PGF: variants seen among roughly 807,000 people sequenced by gnomAD.
PGF encodes placenta growth factor.
Under a neutral mutation model 25.3 loss-of-function variants are expected in PGF, and 11 were observed. That is an observed-to-expected ratio of 0.43 (90% CI 0.27 to 0.72). The LOEUF (loss-of-function observed/expected upper bound fraction) is 0.72. PGF is among the 30% of genes least tolerant of loss of function. The pLI is 0.18. For synonymous variants in PGF, 105 were observed against 97.9 expected, an observed-to-expected ratio of 1.07 and a Z score of -0.43; for missense variants, 230 against 234.9, an observed-to-expected ratio of 0.98 and a Z score of 0.14.
intron 4 of PGF, chr14:74,947,623 C>CAGGA (rs1315674982): frequency 1.3e-5 from 2 of 152,236 alleles, no homozygotes; most frequent in Admixed American, 6.5e-5. Flanking sequence ...GTTATGAGAG[C>CAGGA]AGGAACCTTG....
intron 2 of PGF, among the ~76,000 whole-genome samples, chr14:74,951,207 C>G (rs1888863766): frequency 6.6e-6 from 1 of 152,108 alleles, no homozygotes; most frequent in South Asian, 2.1e-4. Context: ...GCTTAGAGGG[C>G]ACTAGGGCCT....
At chr14:74,948,607 C>T in intron 3 of PGF, 24 bp from the exon 4 acceptor site, 1 of 1,550,308 alleles carries the variant, frequency 6.5e-7, no homozygotes. Context: ...GAGTTGATGC[C>T]TGGATTGGGG....
Position 74,942,274 on chromosome 14 carries a change from C to T in PGF, c.*432G>A, listed in dbSNP as rs1351064986. 4 of 171,018 alleles carry T rather than the reference C, an allele frequency of 2.3e-5. No individual in the cohort carries two copies. The highest frequency in any genetic ancestry group is 2.5e-5 in the Non-Finnish European group (2 of 81,402). The allele number at this position is 171,018 out of a possible 1,614,324, so 10.6% of individuals were successfully genotyped here. ...CTGCCGGCCTTCCCACCAGCCAGGC[C>T]GTGGCGGCCCCAGCAGGATCCGCAT... is the stretch of plus-strand genomic sequence containing the variant. On this transcript the variant is annotated 3_prime_UTR_variant, in exon 7 of 7. Transcript: ENST00000555567.
At chr14:74,944,240 C>G (rs1029913189) in intron 6 of PGF, among the ~76,000 whole-genome samples, 1 of 151,562 alleles carries the variant, frequency 6.6e-6, no homozygotes, top group South Asian at 2.1e-4. Context: ...GTAGCTGGGA[C>G]TATAGGCACC....
chr14:74,946,020 C>T, intron 6 of PGF, 193 bp downstream of exon 6: 1 of 593,862 alleles, frequency 1.7e-6, no homozygotes, highest in Non-Finnish European at 3.0e-6. Flanking sequence ...AAACCTAGGG[C>T]TAAGCCGGGA....
At chr14:74,949,602 T>C (rs1324902062) in intron 2 of PGF, 49 bp from the exon 3 acceptor site, 2 of 1,418,192 alleles carry the variant, frequency 1.4e-6, no homozygotes, top group South Asian at 3.0e-5. Context: ...ACCTGCCCCT[T>C]GAAGCCCTAA....
intron 3 of PGF, 52 bp downstream of exon 3, chr14:74,949,305 G>T: frequency 7.3e-7 from 1 of 1,371,278 alleles, no homozygotes; most frequent in Non-Finnish European, 9.7e-7. Flanking sequence ...CCCTCTCCAG[G>T]TACCTTCTAG....
In PGF at chr14:74,949,443, A is replaced by G. The variant is rs1888821562; in HGVS notation, c.229T>C (p.Cys77Arg). 1 of 1,612,486 alleles carries G rather than the reference A, an allele frequency of 6.2e-7. No individual in the cohort carries two copies. The highest frequency in any genetic ancestry group is 1.3e-5 in the African/African-American group (1 of 74,886). The change falls in exon 3 of 7, where the codon TGT (cysteine) becomes CGT (arginine). Residue 77 changes from cysteine to arginine, a missense_variant. By Grantham distance (180) the Cys-to-Arg change is radical. Transcript: ENST00000555567. Reference sequence around the variant, plus strand: ...CCGGTGCAGCGCAGCAGGGAGACACAGGATGGGCTGAACATGTGCTCCACC... The same window carrying G: ...CCGGTGCAGCGCAGCAGGGAGACACGGGATGGGCTGAACATGTGCTCCACC... ...SEVEHMFSPS[C>R]VSLLRCTGCC...
At chr14:74,951,948 G>A (rs1404802134) in intron 2 of PGF, among the ~76,000 whole-genome samples, 1 of 152,162 alleles carries the variant, frequency 6.6e-6, no homozygotes, top group Non-Finnish European at 1.5e-5. Flanking sequence ...TGTCCCTCAG[G>A]AAAGAGCTCT....
intron 6 of PGF, 66 bp from the exon 7 acceptor site, chr14:74,942,799 T>TA: frequency 2.1e-6 from 3 of 1,460,918 alleles, no homozygotes; most frequent in African/African-American, 1.4e-5. Context: ...TCTCCTCCTA[T>TA]GGAGGAGGGG....
chr14:74,942,427 G>A lies in PGF; in HGVS notation c.*279C>T. Reference sequence around the variant, plus strand: ...CCTGGAGACCTCCAGGGCCTCTGGGGCCTAGCTTGCCCCTCACGAGGCCAC... The same window carrying A: ...CCTGGAGACCTCCAGGGCCTCTGGGACCTAGCTTGCCCCTCACGAGGCCAC... On this transcript the variant is annotated 3_prime_UTR_variant, in exon 7 of 7. Transcript: ENST00000555567. 2.2e-6 allele frequency: 1 copy of A among 449,138 alleles called. No homozygotes were observed. The highest frequency in any genetic ancestry group is 4.0e-6 in the Non-Finnish European group (1 of 251,954). The allele number at this position is 449,138 out of a possible 1,614,324, so 27.8% of individuals were successfully genotyped here.
chr14:74,946,006 A>G (rs1011991237), intron 6 of PGF: 6 of 585,988 alleles, frequency 1.0e-5, no homozygotes, highest in African/African-American at 7.5e-5. Context: ...TTGAAGGTCA[A>G]TGGAAACCTA....
Position 74,953,923 on chromosome 14 carries a change from G to A in PGF, c.99C>T (p.Asn33=), listed in dbSNP as rs779902348. 13 of 1,613,848 alleles carry A rather than the reference G, an allele frequency of 8.1e-6. No homozygotes were observed. The highest frequency in any genetic ancestry group is 2.7e-5 in the African/African-American group (2 of 74,916). ...GCTTACCTTCCACCTCTGACGAGCC[G>A]TTCCCAGCAGACAAGGCCCACTGCT... ...PPQQWALSAG[N]GSSEVEVVPF... The change falls in exon 2 of 7, where the codon AAC becomes AAT. Residue 33 remains asparagine (N), a synonymous_variant. Transcript: ENST00000555567. The surrounding 1 kb of genome is among the most constrained non-coding windows in gnomAD (Gnocchi z 5.4).
intron 4 of PGF, chr14:74,946,884 G>T (rs1467194683): frequency 1.3e-6 from 1 of 760,014 alleles, no homozygotes; most frequent in Non-Finnish European, 2.4e-6. Flanking sequence ...CGGGGTGGGA[G>T]GAAGGAGGGA....
chr14:74,955,735 G>T (rs1888978441), upstream of PGF: 3 of 152,180 alleles, frequency 2.0e-5, no homozygotes, highest in Non-Finnish European at 4.4e-5. This position sits in a 1 kb window ranked among gnomAD's most constrained non-coding sequence, Gnocchi z 4.1. Flanking sequence ...CGGCCAGCCC[G>T]CAGCGCCGGA....
chr14:74,954,074 T>C lies in PGF; in HGVS notation c.76-128A>G, dbSNP rs1888930632. The C allele has an allele frequency of 6.0e-6, 5 of 835,922 alleles. No homozygotes were observed. The South Asian group carries it at 7.4e-5, about 12-fold the overall frequency. The allele number at this position is 835,922 out of a possible 1,614,324, so 51.8% of individuals were successfully genotyped here. On this transcript the variant is annotated intron_variant, in intron 1 of 6. Transcript: ENST00000555567. Reference sequence around the variant, plus strand: ...CCCACTTGCTGCACATGCTCTGCCCTGTCTCAGAGCAGCCTGAGTACCACT... The same window carrying C: ...CCCACTTGCTGCACATGCTCTGCCCCGTCTCAGAGCAGCCTGAGTACCACT...
intron 4 of PGF, 84 bp from the exon 5 acceptor site, chr14:74,946,492 C>A (rs950654776): frequency 7.4e-7 from 1 of 1,348,108 alleles, no homozygotes; most frequent in African/African-American, 1.5e-5. Context: ...AGGTCCCCTC[C>A]GACATCCCCA....
chr14:74,942,562 C>T lies in PGF; in HGVS notation c.*144G>A. The stretch of plus-strand genomic sequence containing the variant: ...TCCTGAGGGTCCTGTCCTTCCCTGC[C>T]CCTCGTCTTGAAGGGAGCGAGGCAT... On this transcript the variant is annotated 3_prime_UTR_variant, in exon 7 of 7. Coordinates refer to ENST00000555567, the MANE Select transcript of PGF (RefSeq NM_002632.6). 2 of 782,074 alleles carry T rather than the reference C, an allele frequency of 2.6e-6. No individual in the cohort carries two copies. The highest frequency in any genetic ancestry group is 4.4e-6 in the Non-Finnish European group (2 of 457,900). 48.4% of individuals were successfully genotyped at this position (782,074 alleles called of 1,614,324 possible).
At chr14:74,948,708 A>C in intron 3 of PGF, 125 bp from the exon 4 acceptor site, 1 of 554,102 alleles carries the variant, frequency 1.8e-6, no homozygotes, top group Admixed American at 3.4e-5. Context: ...ACAGGCCCTC[A>C]CTCCACTCTG....
Sources: allele counts gnomAD v4.1 joint callset (sites outside exome capture counted in the v4.1 genomes callset), GRCh38; gene constraint gnomAD v4.1.1; non-coding constraint Gnocchi (gnomAD v3.1); transcripts MANE v1.5; gene names NCBI Gene and HGNC (gene_info 2026-07-23, HGNC 2026-07-21).